DNAH8: variants seen among roughly 807,000 people sequenced by gnomAD.
DNAH8 encodes axonemal beta dynein heavy chain 8.
DNAH8 carries 382 observed loss-of-function variants against 562.1 expected under a neutral mutation model. The observed-to-expected ratio is 0.68, with a 90% CI of 0.63 to 0.74. DNAH8 has a LOEUF of 0.74. DNAH8 is among the 30% of genes least tolerant of loss of function. DNAH8 has a pLI of 0.00. For synonymous variants in DNAH8, 1,881 were observed against 1,919.4 expected, an observed-to-expected ratio of 0.98 and a Z score of 0.52; for missense variants, 5,203 against 5,620.4, an observed-to-expected ratio of 0.93 and a Z score of 2.37.
chr6:38,887,776 A>G (rs1372269575), intron 57 of DNAH8, among the ~76,000 whole-genome samples: 1 of 151,988 alleles, frequency 6.6e-6, no homozygotes, highest in African/African-American at 2.4e-5. Flanking sequence ...ACCCTTGCAT[A>G]TAAGAACATT....
intron 32 of DNAH8, among the ~76,000 whole-genome samples, chr6:38,835,981 G>A (rs1166042315): frequency 6.6e-6 from 1 of 152,104 alleles, no homozygotes; most frequent in Non-Finnish European, 1.5e-5. Flanking sequence ...TGTAAAGAGG[G>A]AGACCAAGCA....
chr6:38,852,566 C>G (rs938255820), intron 39 of DNAH8, 128 bp from the exon 40 acceptor site: 18 of 633,178 alleles, frequency 2.8e-5, no homozygotes, highest in Non-Finnish European at 4.3e-5. Context: ...CAGAGTCTCT[C>G]TCTATTTTTT....
chr6:38,757,984 G>A (rs1766096865), intron 10 of DNAH8, among the ~76,000 whole-genome samples: 2 of 152,262 alleles, frequency 1.3e-5, no homozygotes, highest in South Asian at 4.1e-4. Context: ...TTTTGGCTTA[G>A]GATTGACTTG....
intron 41 of DNAH8, among the ~76,000 whole-genome samples, chr6:38,854,842 G>A (rs9394544): frequency 0.41 from 60,996 of 149,066 alleles, 13,638 homozygotes; most frequent in East Asian, 0.84. Flanking sequence ...ATATATATAT[G>A]AACATATATA....
chr6:38,938,923 T>C lies in DNAH8; in HGVS notation c.11942T>C (p.Met3981Thr). 6.2e-7 allele frequency: 1 copy of C among 1,614,014 alleles called. No homozygotes were observed. The highest frequency in any genetic ancestry group is 2.2e-5 in the East Asian group (1 of 44,860). ...CACAAATTCCTGTTTGTACTCCTCA[T>C]GACCTTAAAGATTGACCTTCAGAGA... is the stretch of plus-strand genomic sequence containing the variant. ...ENHKFLFVLL[M>T]TLKIDLQRGT... Residue 3981 changes from methionine (M) to threonine (T), a missense_variant, in exon 79 of 93, where the codon ATG becomes ACG. Met to Thr is a moderately conservative substitution (Grantham distance 81). This residue lies in a region of DNAH8 where 1,399 missense variants were observed against 1,518.4 expected (regional missense o/e 0.92). Coordinates refer to ENST00000327475, the MANE Select transcript of DNAH8 (RefSeq NM_001206927.2).
intron 43 of DNAH8, among the ~76,000 whole-genome samples, chr6:38,861,443 T>C (rs1031724485): frequency 2.0e-5 from 3 of 152,210 alleles, no homozygotes; most frequent in Non-Finnish European, 4.4e-5. Flanking sequence ...TACAAAGAGA[T>C]TTATTATATT....
intron 11 of DNAH8, 31 bp downstream of exon 11, chr6:38,761,834 TA>T: frequency 1.5e-6 from 2 of 1,348,460 alleles, no homozygotes; most frequent in Non-Finnish European, 2.0e-6. Context: ...TTTCATAAAC[TA>T]AATCTTTTCC....
In DNAH8 at chr6:38,924,138, T is replaced by C. The variant is rs765459079; in HGVS notation, c.10938T>C (p.Ile3646=). 6.2e-7 allele frequency: 1 copy of C among 1,613,886 alleles called. No homozygotes were observed. Among genetic ancestry groups the C allele is most frequent in the Non-Finnish European group, 8.5e-7 (1 of 1,179,862 alleles). ...KIPFTENLNL[I]SMLVDPPTIG... The stretch of plus-strand genomic sequence containing the variant: ...CTTTCACAGAAAACCTGAATCTTAT[T>C]TCAATGTTGGTGGATCCTCCAACTG... The change falls in exon 73 of 93, where the codon ATT becomes ATC. Residue 3646 remains isoleucine (I), a synonymous_variant. Coordinates refer to ENST00000327475, the MANE Select transcript of DNAH8 (RefSeq NM_001206927.2).
chr6:39,011,953 C>G (rs530647294), intron 89 of DNAH8, among the ~76,000 whole-genome samples: 1 of 152,306 alleles, frequency 6.6e-6, no homozygotes, highest in South Asian at 2.1e-4. Context: ...AATTTTATTT[C>G]AGCTCTTTAA....
In DNAH8 at chr6:38,864,245, TA is replaced by T. The variant is rs35891887; in HGVS notation, c.6498+193del. Among the ~76,000 whole-genome samples the T allele has an allele frequency of 0.27, 40,252 of 151,752 alleles. 6,149 individuals carry two copies. The highest frequency in any genetic ancestry group is 0.66 in the East Asian group (3,412 of 5,134). On this transcript the variant is annotated intron_variant, in intron 45 of 92. Coordinates refer to ENST00000327475, the MANE Select transcript of DNAH8 (RefSeq NM_001206927.2). ...AGATAAAATAGTAATTTTTTTCAAT[TA>T]AAAAAAATTCAGATCCAGACCTACA... is the stretch of plus-strand genomic sequence containing the variant.
At chr6:38,824,859 C>T (rs762602438) in intron 28 of DNAH8, among the ~76,000 whole-genome samples, 3 of 151,798 alleles carry the variant, frequency 2.0e-5, no homozygotes, top group Non-Finnish European at 2.9e-5. Context: ...ATCACAAGTA[C>T]CAAAGAATTA....
In DNAH8 at chr6:38,821,625, G is replaced by T. The variant is rs1221890462; in HGVS notation, c.3524-1213G>T. ...GTTGCCCAGGCTGGAGTGAGGTGGT[G>T]CAACCTCAGCTTACTGCAGCCTCTG... On this transcript the variant is annotated intron_variant, in intron 26 of 92. Coordinates refer to ENST00000327475, the MANE Select transcript of DNAH8 (RefSeq NM_001206927.2). 3.3e-5 allele frequency among the ~76,000 whole-genome samples: 5 copies of T among 152,206 alleles called. No individual in the cohort carries two copies. In the South Asian group the frequency reaches 1.0e-3, roughly 32 times the overall value.
chr6:38,726,852 T>C (rs1454038358), intron 3 of DNAH8, among the ~76,000 whole-genome samples: 1 of 3,434 alleles, frequency 2.9e-4, no homozygotes, highest in African/African-American at 1.2e-3. Context: ...TATTCTTTAG[T>C]TTTTTTTTTT....
intron 8 of DNAH8, chr6:38,744,396 TA>T: frequency 6.6e-6 from 1 of 151,810 alleles, no homozygotes; most frequent in Non-Finnish European, 1.5e-5. Flanking sequence ...TTAAAAAAAC[TA>T]AAAAAAAATT....
chr6:39,017,283 C>CAA (rs1451297689), intron 91 of DNAH8, among the ~76,000 whole-genome samples: 1 of 152,044 alleles, frequency 6.6e-6, no homozygotes, highest in Non-Finnish European at 1.5e-5. Flanking sequence ...TGCGCCTTTT[C>CAA]AGTGCATCGT....
At chr6:38,721,442 C>A (rs1409497452) in intron 1 of DNAH8, among the ~76,000 whole-genome samples, 1 of 151,818 alleles carries the variant, frequency 6.6e-6, no homozygotes, top group Non-Finnish European at 1.5e-5. Flanking sequence ...GAGGTCAAAG[C>A]TGCAGTGAGC....
chr6:38,926,204 T>C lies in DNAH8; in HGVS notation c.11112T>C (p.Asp3704=). 6.2e-7 allele frequency: 1 copy of C among 1,613,388 alleles called. No individual in the cohort carries two copies. The highest frequency in any genetic ancestry group is 8.5e-7 in the Non-Finnish European group (1 of 1,179,594). ...TWIKSKEKEN[D]LQVTSLNHKY... is the part of the protein sequence containing the mutation. ...TTAAATCAAAGGAAAAAGAAAATGA[T>C]TTACAGGTATGTAGCATTTGGTGCA... Residue 3704 remains aspartate, a synonymous_variant, in exon 74 of 93, where the codon GAT becomes GAC. Coordinates refer to ENST00000327475, the MANE Select transcript of DNAH8 (RefSeq NM_001206927.2).
chr6:38,876,006 C>A (rs567557044), intron 53 of DNAH8, among the ~76,000 whole-genome samples, 178 bp downstream of exon 53: 1 of 152,034 alleles, frequency 6.6e-6, no homozygotes, highest in Admixed American at 6.6e-5. Flanking sequence ...GAATTGTGCC[C>A]GAAACTGATA....
intron 82 of DNAH8, among the ~76,000 whole-genome samples, chr6:38,967,719 C>T (rs1763066996): frequency 6.6e-6 from 1 of 152,052 alleles, no homozygotes; most frequent in Admixed American, 6.6e-5. Flanking sequence ...AGAGATTTAA[C>T]TCAATCCCTA....
Sources: gnomAD v4.1 joint callset for allele counts (sites outside exome capture counted in the v4.1 genomes callset) on GRCh38, gnomAD v4.1.1 for gene constraint, gnomAD v4.1.1 regional missense constraint, MANE v1.5 for transcripts, NCBI Gene and HGNC (gene_info 2026-07-23, HGNC 2026-07-21) for gene names.